The following CNBD1 variants were observed in gnomAD, a reference collection of about 807,000 sequenced individuals.
CNBD1 encodes the protein cyclic nucleotide-binding domain-containing protein 1.
A neutral mutation model predicts 54.4 loss-of-function variants in CNBD1; 71 were observed. The ratio of observed to expected loss-of-function variants is 1.30; its 90% CI spans 1.08 to 1.59. The LOEUF (loss-of-function observed/expected upper bound fraction) is 1.59, where lower values mean the gene tolerates loss of function less well. Ranked by LOEUF, CNBD1 falls within the 40% of genes most tolerant of loss-of-function variation. The probability of loss-of-function intolerance (pLI) is 0.00; values close to 1 mark genes in which losing one functional copy is unlikely to be tolerated. For synonymous variants in CNBD1, 182 were observed against 170.7 expected (o/e 1.07, Z -0.51); for missense variants, 659 against 518.0 (o/e 1.27, Z -2.64).
At chr8:86,878,105 TGA>T (rs34491735) in intron 1 of CNBD1, among the ~76,000 whole-genome samples, 102 of 140,818 alleles carry the variant, frequency 7.2e-4, no homozygotes, top group South Asian at 5.1e-3. Flanking sequence ...TGTGTGTGTG[TGA>T]GAGAGAGAGA....
chr8:87,413,334 T>A (rs1428121779), intron 2 of CNBD1, among the ~76,000 whole-genome samples: 1 of 152,094 alleles, frequency 6.6e-6, no homozygotes, highest in African/African-American at 2.4e-5. Flanking sequence ...TCTATAGTTG[T>A]GTTTTAAAAT....
chr8:87,387,960 A>G (rs532836381), intron 2 of CNBD1, among the ~76,000 whole-genome samples: 1 of 152,280 alleles, frequency 6.6e-6, no homozygotes, highest in African/African-American at 2.4e-5. Context: ...CTGACTCAAA[A>G]CCGCTCAACT....
At chr8:86,890,929 C>T (rs540230681) in intron 2 of CNBD1, among the ~76,000 whole-genome samples, 8 of 150,732 alleles carry the variant, frequency 5.3e-5, no homozygotes, top group African/African-American at 1.9e-4. Context: ...AAACTCTGTC[C>T]ATTTTTAATT....
intron 8 of CNBD1, among the ~76,000 whole-genome samples, chr8:87,330,444 G>A (rs1335886404): frequency 6.6e-6 from 1 of 151,400 alleles, no homozygotes; most frequent in Non-Finnish European, 1.5e-5. Flanking sequence ...TCCCCTCTAA[G>A]CATGGATTTT....
intron 1 of CNBD1, among the ~76,000 whole-genome samples, chr8:86,878,990 T>G (rs1296506749): frequency 2.0e-5 from 3 of 152,320 alleles, no homozygotes; most frequent in Admixed American, 2.0e-4. Context: ...GACATTGACT[T>G]GATGTTCAAT....
intron 4 of CNBD1, among the ~76,000 whole-genome samples, chr8:87,107,341 A>G (rs1266101458): frequency 2.6e-5 from 4 of 152,104 alleles, no homozygotes; most frequent in Admixed American, 2.6e-4. Context: ...AGTAACGTTA[A>G]CCTTTGTTCA....
intron 4 of CNBD1, among the ~76,000 whole-genome samples, chr8:87,156,613 G>A (rs575975803): frequency 6.6e-6 from 1 of 151,986 alleles, no homozygotes; most frequent in South Asian, 2.1e-4. Context: ...TGGTCTTTGT[G>A]GTTTGCTATT....
At chr8:87,398,326 G>A (rs559589888) in intron 2 of CNBD1, among the ~76,000 whole-genome samples, 1 of 151,360 alleles carries the variant, frequency 6.6e-6, no homozygotes, top group African/African-American at 2.4e-5. Flanking sequence ...CCTATTTGTT[G>A]CCAAATACAG....
At chr8:87,266,790 G>A (rs1808267777) in intron 6 of CNBD1, among the ~76,000 whole-genome samples, 1 of 152,030 alleles carries the variant, frequency 6.6e-6, no homozygotes, top group Non-Finnish European at 1.5e-5. Context: ...ATGAAGAGCA[G>A]TGAGTAATGT....
At chr8:87,169,665 G>T (rs1267293299) in intron 4 of CNBD1, among the ~76,000 whole-genome samples, 3 of 151,944 alleles carry the variant, frequency 2.0e-5, no homozygotes, top group Admixed American at 2.0e-4. Flanking sequence ...TGAAGAGACT[G>T]TCCTTTCCCT....
chr8:86,939,711 G>C lies in CNBD1; in HGVS notation c.388G>C (p.Ala130Pro), dbSNP rs542142070. The C allele has an allele frequency of 1.3e-6, 2 of 1,585,154 alleles. No individual in the cohort carries two copies. Among genetic ancestry groups the C allele is most frequent in the African/African-American group, 2.7e-5 (2 of 73,604 alleles). ...GGHILYRPKRATEKFEEFLAI... is the reference protein window; with the variant it reads ...GGHILYRPKRPTEKFEEFLAI... ...CCATATTTTATATAGACCAAAAAGA[G>C]CCACAGAGAAATTTGAAGAATTCCT... The change falls in exon 4 of 11, where the codon GCC (alanine) becomes CCC (proline). Residue 130 changes from alanine to proline, a missense_variant. Transcript: ENST00000518476.
chr8:87,183,776 C>T (rs1290149519), intron 4 of CNBD1, among the ~76,000 whole-genome samples: 3 of 152,154 alleles, frequency 2.0e-5, no homozygotes, highest in African/African-American at 7.2e-5. Context: ...TGATTGGTTT[C>T]ATTTCTGGAT....
intron 6 of CNBD1, among the ~76,000 whole-genome samples, chr8:87,244,446 A>G (rs528755375): frequency 6.6e-6 from 1 of 152,260 alleles, no homozygotes; most frequent in East Asian, 1.9e-4. Context: ...TGTTATAAGT[A>G]TATAATTGAG....
chr8:86,930,047 T>C (rs1809430188), intron 3 of CNBD1, among the ~76,000 whole-genome samples: 1 of 152,174 alleles, frequency 6.6e-6, no homozygotes, highest in Non-Finnish European at 1.5e-5. Context: ...TTTCCATCTC[T>C]GGTTCCCATT....
At chr8:87,300,291 C>T (rs185232194) in intron 8 of CNBD1, among the ~76,000 whole-genome samples, 2 of 152,128 alleles carry the variant, frequency 1.3e-5, no homozygotes, top group East Asian at 3.9e-4. Context: ...AGAGATTAGA[C>T]ACAGACACAG....
In CNBD1 at chr8:87,177,548, G is replaced by C. The variant is rs115162127; in HGVS notation, c.432-28445G>C. On this transcript the variant is annotated intron_variant, in intron 4 of 10. Coordinates refer to ENST00000518476, the MANE Select transcript of CNBD1 (RefSeq NM_173538.3). ...AATCGAGCATTGATAATGCACATCAGCATCTGCTCAAAAATGTCTTTTATT... is the reference window on the plus strand; with the variant it reads ...AATCGAGCATTGATAATGCACATCACCATCTGCTCAAAAATGTCTTTTATT... Among the ~76,000 whole-genome samples, 1,168 of 152,158 alleles carry C rather than the reference G, an allele frequency of 7.7e-3. 14 individuals are homozygous for C. Among genetic ancestry groups the C allele is most frequent in the African/African-American group, 0.027 (1,118 of 41,528 alleles).
downstream of CNBD1, among the ~76,000 whole-genome samples, chr8:87,384,130 A>G (rs942949913): frequency 1.3e-5 from 2 of 152,074 alleles, no homozygotes; most frequent in African/African-American, 4.8e-5. Flanking sequence ...AAAATATTGA[A>G]CATAAAAGGA....
At chr8:87,159,743 G>A (rs943318327) in intron 4 of CNBD1, among the ~76,000 whole-genome samples, 6 of 152,116 alleles carry the variant, frequency 3.9e-5, no homozygotes, top group East Asian at 1.9e-4. Context: ...CATCCTGGCT[G>A]TGTCAGGGCT....
chr8:87,303,920 A>T (rs1316786243), intron 8 of CNBD1, among the ~76,000 whole-genome samples: 1 of 152,212 alleles, frequency 6.6e-6, no homozygotes, highest in Non-Finnish European at 1.5e-5. Context: ...AGAAATGCAA[A>T]TCAAAACCAC....
Sources: gnomAD v4.1 joint callset for allele counts (sites outside exome capture counted in the v4.1 genomes callset) on GRCh38, gnomAD v4.1.1 for gene constraint, MANE v1.5 for transcripts, NCBI Gene and HGNC (gene_info 2026-07-23, HGNC 2026-07-21) for gene names.